The following UBXN6 variants were observed in gnomAD, a reference collection of about 807,000 sequenced individuals.
UBXN6 encodes the protein UBX domain-containing protein 6.
A neutral mutation model predicts 51.4 loss-of-function variants in UBXN6; 44 were observed. The observed-to-expected ratio is 0.86, with a 90% CI of 0.67 to 1.10. The LOEUF is 1.10. Ranked by LOEUF, UBXN6 falls within the 50% of genes least tolerant of loss-of-function variation. The pLI, the probability that UBXN6 is intolerant of heterozygous loss-of-function variation, is 0.00. For synonymous variants in UBXN6, 316 were observed against 263.2 expected, an observed-to-expected ratio of 1.20 and a Z score of -1.94; for missense variants, 672 against 596.1, an observed-to-expected ratio of 1.13 and a Z score of -1.32.
chr19:4,453,846 T>A, intron 2 of UBXN6, 84 bp downstream of exon 2: 3 of 1,545,170 alleles, frequency 1.9e-6, no homozygotes, highest in Non-Finnish European at 2.6e-6. Context: ...CGGTTGCTCA[T>A]GTGACTTCTG....
Position 4,453,495 on chromosome 19 carries a change from G to C in UBXN6, c.275C>G (p.Thr92Ser), listed in dbSNP as rs780138602. 1.9e-6 allele frequency: 3 copies of C among 1,613,776 alleles called. No homozygotes were observed. The highest frequency in any genetic ancestry group is 2.7e-5 in the African/African-American group (2 of 74,934). Reference protein sequence around the residue: ...QVRKELQAEATVSGSPEAPGT... With the variant: ...QVRKELQAEASVSGSPEAPGT... ...TGGGGCCTCGGGGCTCCCGCTGACG[G>C]TGGCTTCGGCTTGAAGTTCCTTTCT... Residue 92 changes from threonine to serine, a missense_variant, in exon 3 of 11, where the codon ACC becomes AGC. By Grantham distance (58) the Thr-to-Ser change is moderately conservative. Coordinates refer to ENST00000301281, the MANE Select transcript of UBXN6 (RefSeq NM_025241.3).
At position 4,446,309 on chromosome 19, in the gene UBXN6, C is replaced by G; in HGVS notation, c.1025G>C (p.Arg342Pro). 3 of 1,572,080 alleles carry G rather than the reference C, an allele frequency of 1.9e-6. No homozygotes were observed. The highest frequency in any genetic ancestry group is 2.6e-6 in the Non-Finnish European group (3 of 1,164,186). The stretch of plus-strand genomic sequence containing the variant: ...CTGCAGGAGGCAGCCATCGGGGAGG[C>G]GCACGCGCAGCAGCGTGTAGTTGTA... ...RKYNYTLLRV[R>P]LPDGCLLQGT... The change falls in exon 9 of 11, where the codon CGC (arginine) becomes CCC (proline). Residue 342 changes from arginine (R) to proline (P), a missense_variant. By Grantham distance (103) the Arg-to-Pro change is moderately radical. Transcript: ENST00000301281.
In UBXN6 at chr19:4,446,651, T is replaced by G; in HGVS notation, c.769A>C (p.Lys257Gln). Residue 257 changes from lysine to glutamine, a missense_variant, in exon 8 of 11, where the codon AAG becomes CAG. Physicochemically the swap from Lys to Gln is moderately conservative, Grantham distance 53 (BLOSUM62 1). Coordinates refer to ENST00000301281, the MANE Select transcript of UBXN6 (RefSeq NM_025241.3). ...LAQPQSLERH[K>Q]EQLLAAEPVR... ...GGCTCCGCAGCCAGCAGCTGTTCCT[T>G]GTGCCTCTCCAGGCTCTGGGGCTGG... 1 of 1,612,454 alleles carries G rather than the reference T, an allele frequency of 6.2e-7. No individual in the cohort carries two copies. The highest frequency in any genetic ancestry group is 8.5e-7 in the Non-Finnish European group (1 of 1,179,514).
chr19:4,447,200 ACCG>A, intron 6 of UBXN6: 1 of 577,412 alleles, frequency 1.7e-6, no homozygotes, highest in East Asian at 2.9e-5. Context: ...CGAGGCTAAC[ACCG>A]CCCAGGACCC....
intron 4 of UBXN6, among the ~76,000 whole-genome samples, chr19:4,451,239 T>C (rs1028007253): frequency 3.3e-5 from 5 of 152,048 alleles, no homozygotes; most frequent in African/African-American, 1.2e-4. Flanking sequence ...GTATATTTAG[T>C]AGATAGGGGG....
At position 4,446,274 on chromosome 19, in the gene UBXN6, G is replaced by A. The variant is rs760164843; in HGVS notation, c.1051+9C>T. ...CGAGCCGCCCTCCACGGGCATCGTT[G>A]GTGCCCACCCTGCAGGAGGCAGCCA... On this transcript the variant is annotated intron_variant, in intron 9 of 10. Coordinates refer to ENST00000301281, the MANE Select transcript of UBXN6 (RefSeq NM_025241.3). The A allele has an allele frequency of 9.6e-6, 15 of 1,570,508 alleles. No homozygotes were observed. In the Admixed American group the frequency reaches 2.7e-4, roughly 28 times the overall value.
chr19:4,447,177 C>T (rs1974551465), intron 6 of UBXN6: 1 of 590,266 alleles, frequency 1.7e-6, no homozygotes, highest in Non-Finnish European at 3.0e-6. Flanking sequence ...CCAGACACTG[C>T]TGGGGCCTGA....
At chr19:4,452,623 T>G (rs1974673962) in intron 3 of UBXN6, 131 bp from the exon 4 acceptor site, 1 of 1,305,234 alleles carries the variant, frequency 7.7e-7, no homozygotes, top group Middle Eastern at 2.8e-4. Flanking sequence ...TTCCACCTGG[T>G]GGCCGTGGGA....
chr19:4,448,189 C>T (rs970947085), intron 5 of UBXN6, 129 bp downstream of exon 5: 6 of 823,776 alleles, frequency 7.3e-6, no homozygotes, highest in East Asian at 2.7e-5. Flanking sequence ...CTGCCTCACT[C>T]TCGGCCTATG....
At chr19:4,453,417 A>AC in intron 3 of UBXN6, 41 bp downstream of exon 3, 1 of 1,600,170 alleles carries the variant, frequency 6.2e-7, no homozygotes. Flanking sequence ...AGCTGTCCCC[A>AC]CCCCTTGGCA....
intron 6 of UBXN6, chr19:4,447,278 C>T (rs1019802735): frequency 7.0e-6 from 4 of 572,006 alleles, no homozygotes; most frequent in African/African-American, 1.9e-5. Flanking sequence ...TCCCCAGAGT[C>T]GACATGTTCC....
rs754963132 is a variant in UBXN6, at chr19:4,448,300, A to G, written c.539+18T>C. The G allele has an allele frequency of 3.8e-6, 6 of 1,591,208 alleles. No individual in the cohort carries two copies. The South Asian group carries it at 5.7e-5, about 15-fold the overall frequency. On this transcript the variant is annotated intron_variant, in intron 5 of 10. Coordinates refer to ENST00000301281, the MANE Select transcript of UBXN6 (RefSeq NM_025241.3). Reference sequence around the variant, plus strand: ...TGAGCTGGAGGGGCCAGGCAGGGCAAAGGGGCCACACGCTCACTTGGCAAT... The same window carrying G: ...TGAGCTGGAGGGGCCAGGCAGGGCAGAGGGGCCACACGCTCACTTGGCAAT...
At position 4,446,598 on chromosome 19, in the gene UBXN6, G is replaced by A. The variant is rs371513236; in HGVS notation, c.822C>T (p.Arg274=). ...EPVRAKLDRQ[R]RVFQPSPLAS... The stretch of plus-strand genomic sequence containing the variant: ...CCAGGGGCGAGGGCTGGAAGACGCG[G>A]CGCTGCCTGTCCAGCTTGGCGCGCA... The change falls in exon 8 of 11, where the codon CGC becomes CGT. Residue 274 remains arginine (R), a synonymous_variant. Coordinates refer to ENST00000301281, the MANE Select transcript of UBXN6 (RefSeq NM_025241.3). The A allele has an allele frequency of 9.3e-6, 15 of 1,612,540 alleles. No homozygotes were observed. The African/African-American group carries it at 1.9e-4, about 20-fold the overall frequency.
At chr19:4,447,936 A>G in intron 5 of UBXN6, 1 of 495,120 alleles carries the variant, frequency 2.0e-6, no homozygotes, top group East Asian at 3.6e-5. Context: ...CCAGAGCTGA[A>G]GGGCCGCAGT....
chr19:4,451,209 AC>A (rs1186510138), intron 4 of UBXN6, among the ~76,000 whole-genome samples: 1 of 152,134 alleles, frequency 6.6e-6, no homozygotes, highest in African/African-American at 2.4e-5. Context: ...GGCGCCTGTC[AC>A]CACGCCTGGC....
chr19:4,454,709 C>T (rs1217053063), intron 1 of UBXN6: 1 of 152,286 alleles, frequency 6.6e-6, no homozygotes, highest in Admixed American at 6.5e-5. Flanking sequence ...AGCCACAGCA[C>T]CCAGCCCGCA....
chr19:4,447,318 G>A, intron 6 of UBXN6: 1 of 583,812 alleles, frequency 1.7e-6, no homozygotes, highest in Non-Finnish European at 3.1e-6. Flanking sequence ...AGGAGGAAAA[G>A]GATGCAGGTG....
rs530960928 is a variant in UBXN6, at chr19:4,456,866, G to A, written c.83+749C>T. On this transcript the variant is annotated intron_variant, in intron 1 of 10. Coordinates refer to ENST00000301281, the MANE Select transcript of UBXN6 (RefSeq NM_025241.3). ...CTCCCGGGTAAGAGTCCATCTGTCA[G>A]AATCCCTCACCTCCACTCTCCTCAC... Among the ~76,000 whole-genome samples, 4 of 152,042 alleles carry A rather than the reference G, an allele frequency of 2.6e-5. No homozygotes were observed. In the South Asian group the frequency reaches 8.3e-4, roughly 32 times the overall value.
chr19:4,446,468 G>A (rs1219010171), intron 8 of UBXN6, 32 bp downstream of exon 8: 17 of 1,590,618 alleles, frequency 1.1e-5, no homozygotes, highest in East Asian at 6.7e-5. Context: ...ACCCCGCCCC[G>A]CCCCACTCTG....
Sources: gnomAD v4.1 joint callset for allele counts (sites outside exome capture counted in the v4.1 genomes callset) on GRCh38, gnomAD v4.1.1 for gene constraint, MANE v1.5 for transcripts, NCBI Gene and HGNC (gene_info 2026-07-23, HGNC 2026-07-21) for gene names.